Variants in CDK5RAP2 observed in about 807,000 individuals in gnomAD.
CDK5RAP2 encodes CDK5 regulatory subunit associated protein 2.
Under a neutral mutation model 232.9 loss-of-function variants are expected in CDK5RAP2, and 147 were observed. That is an observed-to-expected ratio of 0.63 (90% CI 0.55 to 0.72). The LOEUF is 0.72. Among genes scored for constraint, CDK5RAP2 ranks in the 30% least tolerant of loss-of-function variants. The pLI is 0.00. For synonymous variants in CDK5RAP2, 833 were observed against 833.7 expected (o/e 1.00, Z 0.01); for missense variants, 2,195 against 2,231.5 (o/e 0.98, Z 0.33).
rs1223512206 is a variant in CDK5RAP2 at position 120,518,611 on chromosome 9, T to C, written c.1127A>G (p.Lys376Arg). 1 of 1,613,842 alleles carries C rather than the reference T, an allele frequency of 6.2e-7. No homozygotes were observed. The change falls in exon 12 of 38, where the codon AAG becomes AGG. Residue 376 changes from lysine (K) to arginine (R), a missense_variant. Transcript: ENST00000349780. ...GCGCAGCGCAGCCGAAAGGGCTTCC[T>C]TTCCTGATAGAGCAGTCTCATAGTC... ...SEDYETALSG[K>R]EALSAALRSQ...
At chr9:120,456,538 A>C (rs113218649) in intron 20 of CDK5RAP2, among the ~76,000 whole-genome samples, 218 of 152,286 alleles carry the variant, frequency 1.4e-3, no homozygotes, top group African/African-American at 5.1e-3. Context: ...GCACACCAAA[A>C]TGGGGTTAAC....
intron 35 of CDK5RAP2, among the ~76,000 whole-genome samples, chr9:120,397,589 C>T (rs2032626383): frequency 1.4e-5 from 2 of 142,666 alleles, no homozygotes; most frequent in African/African-American, 5.3e-5. Context: ...AAAAAAAGCC[C>T]AACACAGTAT....
intron 12 of CDK5RAP2, among the ~76,000 whole-genome samples, chr9:120,504,763 T>C (rs2039732204): frequency 6.6e-6 from 1 of 152,192 alleles, no homozygotes; most frequent in African/African-American, 2.4e-5. Context: ...GTCCCCTTCA[T>C]CCAACCACTT....
At chr9:120,392,983 A>AC (rs1185251678) in intron 36 of CDK5RAP2, among the ~76,000 whole-genome samples, 1 of 152,114 alleles carries the variant, frequency 6.6e-6, no homozygotes, top group Admixed American at 6.5e-5. Context: ...GCTCCTTGCA[A>AC]CCTGGTTCCT....
intron 14 of CDK5RAP2, among the ~76,000 whole-genome samples, chr9:120,478,481 C>T (rs570062176): frequency 3.9e-5 from 6 of 152,210 alleles, no homozygotes; most frequent in Non-Finnish European, 7.4e-5. Context: ...CTATATGTAA[C>T]AATACCCTGG....
At chr9:120,437,621 T>C (rs1387821018) in intron 24 of CDK5RAP2, 94 bp from the exon 25 acceptor site, 2 of 902,100 alleles carry the variant, frequency 2.2e-6, no homozygotes, top group Non-Finnish European at 3.7e-6. Context: ...AGTACAATTT[T>C]TAAAAGCCTG....
At chr9:120,465,828 T>G (rs1000184844) in intron 18 of CDK5RAP2, among the ~76,000 whole-genome samples, 2 of 152,164 alleles carry the variant, frequency 1.3e-5, no homozygotes, top group Non-Finnish European at 2.9e-5. Flanking sequence ...GCAGTTAAGT[T>G]TCAGCACATT....
At chr9:120,402,775 C>T in intron 34 of CDK5RAP2, 31 bp downstream of exon 34, 1 of 1,612,522 alleles carries the variant, frequency 6.2e-7, no homozygotes, top group Non-Finnish European at 8.5e-7. Flanking sequence ...CAGGGAGCAG[C>T]TTGTGCCCCC....
At chr9:120,477,094 A>T (rs983049545) in intron 15 of CDK5RAP2, among the ~76,000 whole-genome samples, 7 of 152,260 alleles carry the variant, frequency 4.6e-5, no homozygotes, top group Non-Finnish European at 1.0e-4. Context: ...AGTATTTTTA[A>T]AACCTGAGTA....
At chr9:120,433,064 T>C (rs2035376624) in intron 25 of CDK5RAP2, among the ~76,000 whole-genome samples, 1 of 152,214 alleles carries the variant, frequency 6.6e-6, no homozygotes. Context: ...AAAACCAGTC[T>C]ACAGCAGGTC....
Position 120,530,100 on chromosome 9 carries a change from C to T in CDK5RAP2, c.703G>A (p.Ala235Thr), listed in dbSNP as rs142783338. 4.3e-5 allele frequency: 69 copies of T among 1,613,516 alleles called. No individual in the cohort carries two copies. The African/African-American group carries it at 5.9e-4, about 14-fold the overall frequency. Reference protein sequence around the residue: ...ELKLSLKSKEALIQCLKEEKS... With the variant: ...ELKLSLKSKETLIQCLKEEKS... ...TCCTCTTTAAGGCACTGAATTAAAG[C>T]TTCTTTGCTCTTCAAAGACAGCTTC... is the stretch of plus-strand genomic sequence containing the variant. Residue 235 changes from alanine (A) to threonine (T), a missense_variant, in exon 8 of 38, where the codon GCT (alanine) becomes ACT (threonine). Physicochemically the swap from Ala to Thr is moderately conservative, Grantham distance 58. Coordinates refer to ENST00000349780, the MANE Select transcript of CDK5RAP2 (RefSeq NM_018249.6).
intron 34 of CDK5RAP2, 21 bp downstream of exon 34, chr9:120,402,785 C>G (rs201584349): frequency 9.3e-6 from 15 of 1,613,240 alleles, no homozygotes; most frequent in Non-Finnish European, 1.3e-5. Flanking sequence ...CTTGTGCCCC[C>G]CAGCTCTGTG....
rs746480920 is a variant in CDK5RAP2 at position 120,389,793 on chromosome 9, G to C, written c.5579-6C>G. On this transcript the variant is annotated splice_region_variant and splice_polypyrimidine_tract_variant and intron_variant, in intron 36 of 37. Coordinates refer to ENST00000349780, the MANE Select transcript of CDK5RAP2 (RefSeq NM_018249.6). ...GATTTTGTGGGTTACGACCACTGAGGAGAGAGCAAAGAATGCAATGATTAG... is the reference window on the plus strand; with the variant it reads ...GATTTTGTGGGTTACGACCACTGAGCAGAGAGCAAAGAATGCAATGATTAG... 1.2e-6 allele frequency: 2 copies of C among 1,613,858 alleles called. No homozygotes were observed. The highest frequency in any genetic ancestry group is 1.3e-5 in the African/African-American group (1 of 75,044).
intron 1 of CDK5RAP2, among the ~76,000 whole-genome samples, chr9:120,578,951 T>C (rs770354231): frequency 6.6e-6 from 1 of 152,192 alleles, no homozygotes; most frequent in Non-Finnish European, 1.5e-5. Flanking sequence ...AAGCAGCAGC[T>C]TGTCCATAGT....
intron 5 of CDK5RAP2, among the ~76,000 whole-genome samples, chr9:120,544,701 C>T (rs562489516): frequency 2.7e-4 from 41 of 152,356 alleles, no homozygotes; most frequent in African/African-American, 9.6e-4. Context: ...TGGCTAGGAT[C>T]CTCGGTGAGG....
At chr9:120,517,939 ATGTT>A (rs535772637) in intron 12 of CDK5RAP2, 191 of 261,832 alleles carry the variant, frequency 7.3e-4, no homozygotes, top group Non-Finnish European at 1.2e-3. Context: ...ATGTACAAGG[ATGTT>A]TGCTGCAGAA....
At chr9:120,455,188 A>T (rs116516404) in intron 20 of CDK5RAP2, among the ~76,000 whole-genome samples, 66 of 152,308 alleles carry the variant, frequency 4.3e-4, no homozygotes, top group African/African-American at 1.5e-3. Flanking sequence ...AGAGTGCCCC[A>T]GACTGGGGGT....
chr9:120,465,985 G>A (rs1488801941), intron 18 of CDK5RAP2, among the ~76,000 whole-genome samples: 1 of 152,192 alleles, frequency 6.6e-6, no homozygotes, highest in Non-Finnish European at 1.5e-5. Flanking sequence ...CTGTGTGCTT[G>A]TTTTAAAGTG....
intron 18 of CDK5RAP2, among the ~76,000 whole-genome samples, chr9:120,463,388 C>G (rs555222153): frequency 6.6e-6 from 1 of 152,030 alleles, no homozygotes; most frequent in Admixed American, 6.6e-5. Context: ...AAAACAACAA[C>G]AACAACGAAA....
Sources: allele counts gnomAD v4.1 joint callset (sites outside exome capture counted in the v4.1 genomes callset), GRCh38; gene constraint gnomAD v4.1.1; transcripts MANE v1.5; gene names NCBI Gene and HGNC (gene_info 2026-07-23, HGNC 2026-07-21).